The following MARCHF11 variants were observed in gnomAD, a reference collection of about 807,000 sequenced individuals.
MARCHF11 encodes the protein membrane associated ring-CH-type finger 11, also known as E3 ubiquitin-protein ligase MARCHF11.
Under a neutral mutation model 37.3 loss-of-function variants are expected in MARCHF11, and 29 were observed. The ratio of observed to expected loss-of-function variants is 0.78; its 90% CI spans 0.58 to 1.06. MARCHF11 has a LOEUF of 1.06. Ranked by LOEUF, MARCHF11 falls within the 50% of genes least tolerant of loss-of-function variation. MARCHF11 has a pLI of 0.00. For synonymous variants in MARCHF11, 233 were observed against 228.0 expected (o/e 1.02, Z -0.20); for missense variants, 482 against 533.4 (o/e 0.90, Z 0.95).
chr5:16,095,255 A>ATTCCCCGGGGTTCG (rs1736846731), intron 2 of MARCHF11, among the ~76,000 whole-genome samples: 1 of 152,100 alleles, frequency 6.6e-6, no homozygotes, highest in African/African-American at 2.4e-5. Flanking sequence ...CCTCAGAGTA[A>ATTCCCCGGGGTTCG]TTCCCCGGGG....
chr5:16,177,986 A>C, intron 1 of MARCHF11, 105 bp from the exon 2 acceptor site: 3 of 1,048,730 alleles, frequency 2.9e-6, no homozygotes, highest in South Asian at 2.3e-5. Flanking sequence ...AGGATACAGC[A>C]TCAGGCTCTA....
intron 2 of MARCHF11, among the ~76,000 whole-genome samples, chr5:16,160,122 A>T (rs1437002294): frequency 2.0e-5 from 3 of 151,226 alleles, no homozygotes; most frequent in Non-Finnish European, 4.4e-5. Flanking sequence ...ACATTAATCC[A>T]AATAAGTGAT....
intron 2 of MARCHF11, among the ~76,000 whole-genome samples, chr5:16,122,614 C>A (rs1737329385): frequency 6.6e-6 from 1 of 152,188 alleles, no homozygotes; most frequent in Admixed American, 6.5e-5. Flanking sequence ...CCATCTGGAT[C>A]CCTTGTGCAA....
intron 2 of MARCHF11, among the ~76,000 whole-genome samples, chr5:16,103,414 G>A (rs774770038): frequency 2.6e-5 from 4 of 152,190 alleles, no homozygotes; most frequent in Non-Finnish European, 5.9e-5. Flanking sequence ...GAGCAAGCTT[G>A]AAGGGGGTTT....
intron 2 of MARCHF11, among the ~76,000 whole-genome samples, chr5:16,126,800 T>C (rs976428413): frequency 1.3e-5 from 2 of 152,188 alleles, no homozygotes; most frequent in Non-Finnish European, 2.9e-5. Flanking sequence ...ATAAAATTCA[T>C]TGTGTGTTCC....
intron 3 of MARCHF11, among the ~76,000 whole-genome samples, chr5:16,072,423 T>C (rs1736454599): frequency 6.6e-6 from 1 of 151,954 alleles, no homozygotes; most frequent in African/African-American, 2.4e-5. Context: ...CAGGGTTAGA[T>C]GAGATTGTGA....
At chr5:16,068,179 G>A (rs772326139) in intron 3 of MARCHF11, among the ~76,000 whole-genome samples, 2 of 152,196 alleles carry the variant, frequency 1.3e-5, no homozygotes, top group East Asian at 1.9e-4. Flanking sequence ...CTTGAACCCA[G>A]CTGGCAGTTT....
intron 2 of MARCHF11, among the ~76,000 whole-genome samples, chr5:16,160,331 T>TAA: frequency 6.9e-6 from 1 of 144,226 alleles, no homozygotes; most frequent in South Asian, 2.1e-4. Flanking sequence ...CATTTAATAA[T>TAA]TTAATATATT....
chr5:16,121,289 G>A (rs2402096), intron 2 of MARCHF11, among the ~76,000 whole-genome samples: 24,442 of 152,100 alleles, frequency 0.16, 2,145 homozygotes, highest in East Asian at 0.3. Context: ...ACCGTGTGAC[G>A]TACTATATTT....
In MARCHF11 at chr5:16,179,269, C is replaced by A; in HGVS notation, c.307G>T (p.Gly103Trp). The A allele has an allele frequency of 1.5e-6, 2 of 1,310,436 alleles. No individual in the cohort carries two copies. Among genetic ancestry groups the A allele is most frequent in the Non-Finnish European group, 1.9e-6 (2 of 1,027,898 alleles). 81.2% of individuals were successfully genotyped at this position (1,310,436 alleles called of 1,614,324 possible). Residue 103 changes from glycine to tryptophan, a missense_variant, in exon 1 of 4, where the codon GGG becomes TGG. Physicochemically the swap from Gly to Trp is radical, Grantham distance 184 (BLOSUM62 -2). Coordinates refer to ENST00000332432, the MANE Select transcript of MARCHF11 (RefSeq NM_001102562.3). ...TCCGGGAGGCGCCTCGGACCTTCCC[C>A]GGAGTCGCCGGCCGCCGCCACTTCC... ...GQEVAAAGDSGEGPRRLPEAA... is the reference protein window; with the variant it reads ...GQEVAAAGDSWEGPRRLPEAA...
chr5:16,163,718 T>G (rs1394100640), intron 2 of MARCHF11, among the ~76,000 whole-genome samples: 1 of 152,080 alleles, frequency 6.6e-6, no homozygotes, highest in Admixed American at 6.6e-5. Flanking sequence ...TAGAGTGCTA[T>G]GATTTGAATG....
chr5:16,078,879 CTG>C (rs1334090852), intron 3 of MARCHF11, among the ~76,000 whole-genome samples: 1 of 152,176 alleles, frequency 6.6e-6, no homozygotes, highest in African/African-American at 2.4e-5. Flanking sequence ...TCAGATCTCT[CTG>C]AGGCTATGCA....
At position 16,179,495 on chromosome 5, in the gene MARCHF11, G is replaced by C. The variant is rs1579431758; in HGVS notation, c.81C>G (p.Pro27=). Residue 27 remains proline, a synonymous_variant, in exon 1 of 4, where the codon CCC becomes CCG. Coordinates refer to ENST00000332432, the MANE Select transcript of MARCHF11 (RefSeq NM_001102562.3). ...SGDAEPPPQP[P]PPPPPTPPPG... ...GCGGCGGCGTCGGCGGCGGCGGCGG[G>C]GGAGGTTGCGGGGGAGGCTCGGCGT... 8.6e-7 allele frequency: 1 copy of C among 1,161,024 alleles called. No individual in the cohort carries two copies. Among genetic ancestry groups the C allele is most frequent in the African/African-American group, 1.6e-5 (1 of 61,030 alleles). The allele number at this position is 1,161,024 out of a possible 1,614,324, so 71.9% of individuals were successfully genotyped here. A position where few individuals can be genotyped will look rare whatever the true frequency, so the allele number is the denominator to read the frequency against.
intron 3 of MARCHF11, 71 bp from the exon 4 acceptor site, chr5:16,067,864 C>T: frequency 1.5e-6 from 2 of 1,319,362 alleles, no homozygotes; most frequent in South Asian, 1.5e-5. Flanking sequence ...ATTTTGTATA[C>T]AAGTAAGGGA....
At chr5:16,147,348 C>G (rs1737816176) in intron 2 of MARCHF11, among the ~76,000 whole-genome samples, 1 of 152,088 alleles carries the variant, frequency 6.6e-6, no homozygotes, top group Admixed American at 6.6e-5. Context: ...CTCCCAAAAC[C>G]CCGTGACGCA....
At chr5:16,093,391 C>T (rs1736816151) in intron 2 of MARCHF11, among the ~76,000 whole-genome samples, 1 of 152,142 alleles carries the variant, frequency 6.6e-6, no homozygotes, top group African/African-American at 2.4e-5. Flanking sequence ...ATCCAAGCCT[C>T]CTTGCATGAT....
chr5:16,178,527 CT>C (rs1738403365), intron 1 of MARCHF11, among the ~76,000 whole-genome samples: 1 of 152,160 alleles, frequency 6.6e-6, no homozygotes, highest in South Asian at 2.1e-4. Flanking sequence ...AATAGCCTTT[CT>C]TTCAAAGTCC....
chr5:16,128,522 AGTTG>A (rs1474381958), intron 2 of MARCHF11, among the ~76,000 whole-genome samples: 1 of 152,180 alleles, frequency 6.6e-6, no homozygotes, highest in South Asian at 2.1e-4. Context: ...AAGGGTTTAA[AGTTG>A]ATCAGGGTCC....
intron 3 of MARCHF11, among the ~76,000 whole-genome samples, chr5:16,089,223 T>C (rs1216570349): frequency 1.3e-5 from 2 of 152,120 alleles, no homozygotes; most frequent in African/African-American, 4.8e-5. Flanking sequence ...CTGGCTCTTT[T>C]ATTTTGCATC....
Sources: gnomAD v4.1 joint callset for allele counts (sites outside exome capture counted in the v4.1 genomes callset) on GRCh38, gnomAD v4.1.1 for gene constraint, MANE v1.5 for transcripts, NCBI Gene and HGNC (gene_info 2026-07-23, HGNC 2026-07-21) for gene names.